Variants in TBC1D2B observed in about 807,000 individuals in gnomAD.
TBC1D2B encodes TBC1 domain family member 2B, also known as TBC1 domain family, member 2B.
Under a neutral mutation model 100.8 loss-of-function variants are expected in TBC1D2B, and 64 were observed. The observed-to-expected ratio is 0.64, with a 90% CI of 0.52 to 0.78. TBC1D2B has a LOEUF of 0.78. Ranked by LOEUF, TBC1D2B falls within the 30% of genes least tolerant of loss-of-function variation. TBC1D2B has a pLI of 0.00. For missense variants in TBC1D2B, 1,052 were observed against 1,218.4 expected (o/e 0.86, Z 2.03); for synonymous variants, 480 against 479.7 (o/e 1.00, Z -0.01).
intron 7 of TBC1D2B, chr15:78,016,988 A>C (rs1326059691): frequency 2.4e-6 from 1 of 421,502 alleles, no homozygotes; most frequent in African/African-American, 2.1e-5. Flanking sequence ...CAACAAATGC[A>C]TCACCTCTGG....
rs983112693 is a variant in TBC1D2B, at chr15:78,063,618, A to G, written c.361-9431T>C. The stretch of plus-strand genomic sequence containing the variant: ...CATAGTGTCACTGGGAGAGGGCATG[A>G]CCATCAGTCTATGATGGCCAACATG... On this transcript the variant is annotated intron_variant, in intron 1 of 12. Transcript: ENST00000300584. 3.9e-5 allele frequency among the ~76,000 whole-genome samples: 6 copies of G among 152,272 alleles called. No individual in the cohort carries two copies. In the East Asian group the frequency reaches 1.2e-3, roughly 29 times the overall value.
chr15:78,000,743 A>G (rs945575985), intron 12 of TBC1D2B, among the ~76,000 whole-genome samples: 7 of 152,248 alleles, frequency 4.6e-5, no homozygotes, highest in Admixed American at 2.6e-4. Flanking sequence ...ACAGACGAGG[A>G]TGGCCCAGAA....
intron 2 of TBC1D2B, chr15:78,053,743 G>A: frequency 3.4e-6 from 1 of 290,892 alleles, no homozygotes; most frequent in East Asian, 7.2e-5. Context: ...TAGTAGAAAG[G>A]CTGGCCCTGC....
At chr15:78,047,198 C>T (rs1012995422) in intron 2 of TBC1D2B, among the ~76,000 whole-genome samples, 4 of 148,200 alleles carry the variant, frequency 2.7e-5, no homozygotes, top group African/African-American at 1.0e-4. Flanking sequence ...GGGTCTCACT[C>T]TGTCACTAAG....
chr15:78,006,847 G>C (rs1164405811), intron 10 of TBC1D2B, among the ~76,000 whole-genome samples: 3 of 152,226 alleles, frequency 2.0e-5, no homozygotes, highest in Non-Finnish European at 4.4e-5. Flanking sequence ...AACATTTACT[G>C]TGTGGGGTGC....
At position 78,013,190 on chromosome 15, in the gene TBC1D2B, C is replaced by T. The variant is rs760847886; in HGVS notation, c.1903G>A (p.Val635Ile). 1.2e-6 allele frequency: 2 copies of T among 1,613,994 alleles called. No homozygotes were observed. Among genetic ancestry groups the T allele is most frequent in the Non-Finnish European group, 1.7e-6 (2 of 1,179,904 alleles). The change falls in exon 9 of 13, where the codon GTC becomes ATC. Residue 635 changes from valine to isoleucine, a missense_variant. This residue lies in a region of TBC1D2B where 373 missense variants were observed against 464.9 expected (regional missense o/e 0.80). Coordinates refer to ENST00000300584, the MANE Select transcript of TBC1D2B (RefSeq NM_144572.2). ...LTENQEVSTG[V>I]KWENYFASTV... ...CTTGCAAAATAGTTTTCCCACTTGA[C>T]CCCAGTGGAGACTTCCTGGTTTTCT...
At chr15:78,033,203 T>C (rs536326360) in intron 3 of TBC1D2B, among the ~76,000 whole-genome samples, 1 of 152,346 alleles carries the variant, frequency 6.6e-6, no homozygotes, top group South Asian at 2.1e-4. Flanking sequence ...TCTTAATTCA[T>C]TTGAGCAGTC....
rs867280026 is a variant in TBC1D2B, at chr15:78,069,361, C to A, written c.360+7932G>T. On this transcript the variant is annotated intron_variant, in intron 1 of 12. Coordinates refer to ENST00000300584, the MANE Select transcript of TBC1D2B (RefSeq NM_144572.2). ...CCAAAGCGAGCTTCACCCATCACAA[C>A]ACCCACCACTCAGAAACAAAATTAA... Among the ~76,000 whole-genome samples, 8 of 152,242 alleles carry A rather than the reference C, an allele frequency of 5.3e-5. No homozygotes were observed. The South Asian group carries it at 6.2e-4, about 12-fold the overall frequency.
At chr15:78,049,305 A>G (rs2073263405) in intron 2 of TBC1D2B, among the ~76,000 whole-genome samples, 1 of 152,228 alleles carries the variant, frequency 6.6e-6, no homozygotes, top group South Asian at 2.1e-4. Flanking sequence ...ATTTGCTAAC[A>G]GCTGCATATC....
intron 12 of TBC1D2B, among the ~76,000 whole-genome samples, chr15:78,001,114 G>A (rs1335726046): frequency 4.6e-5 from 7 of 152,124 alleles, no homozygotes; most frequent in South Asian, 2.1e-4. Flanking sequence ...CCAAACACAC[G>A]TGCCCCACAG....
In TBC1D2B at chr15:78,046,012, A is replaced by G. The variant is rs529706610; in HGVS notation, c.515-944T>C. Among the ~76,000 whole-genome samples, 8 of 151,904 alleles carry G rather than the reference A, an allele frequency of 5.3e-5. No homozygotes were observed. The East Asian group carries it at 1.5e-3, about 29-fold the overall frequency. On this transcript the variant is annotated intron_variant, in intron 2 of 12. Transcript: ENST00000300584. ...AATGGCGCGGTCTCGGCTCACTGCA[A>G]CCTCCTCCTCCTGGGTTCAAGCGAT... is the stretch of plus-strand genomic sequence containing the variant.
At chr15:78,031,884 G>T (rs2072824764) in intron 3 of TBC1D2B, among the ~76,000 whole-genome samples, 1 of 152,180 alleles carries the variant, frequency 6.6e-6, no homozygotes, top group South Asian at 2.1e-4. Flanking sequence ...GAGAGGGAAA[G>T]CCAATGAGGT....
intron 6 of TBC1D2B, among the ~76,000 whole-genome samples, chr15:78,018,996 T>G (rs2072445737): frequency 6.6e-6 from 1 of 151,910 alleles, no homozygotes; most frequent in Non-Finnish European, 1.5e-5. Context: ...GTTCCTAATC[T>G]CCCAGTCACA....
intron 8 of TBC1D2B, among the ~76,000 whole-genome samples, chr15:78,014,027 G>A (rs967530168): frequency 1.3e-5 from 2 of 152,150 alleles, no homozygotes; most frequent in African/African-American, 4.8e-5. Context: ...TGGGAAAAGG[G>A]GCCACAGGCC....
At position 78,013,053 on chromosome 15, in the gene TBC1D2B, G is replaced by C; in HGVS notation, c.2040C>G (p.Thr680=). The C allele has an allele frequency of 6.2e-7, 1 of 1,613,986 alleles. No individual in the cohort carries two copies. ...GCTCAGTGTTGTCCTTGAACTTCCT[G>C]GTGTGACGGTCCACACACCACTTCC... is the stretch of plus-strand genomic sequence containing the variant. ...KVWKWCVDRH[T]RKFKDNTEPG... is the part of the protein sequence containing the mutation. Residue 680 remains threonine, a synonymous_variant, in exon 9 of 13, where the codon ACC becomes ACG. Transcript: ENST00000300584.
rs181014126 is a variant in TBC1D2B at position 78,054,351 on chromosome 15, G to A, written c.361-164C>T. On this transcript the variant is annotated intron_variant, in intron 1 of 12. Transcript: ENST00000300584. Reference sequence around the variant, plus strand: ...GATTAGTAGCTTTTGCTCATGATGAGTTGGTCAAGCAAATAGCAATTGTAA... The same window carrying A: ...GATTAGTAGCTTTTGCTCATGATGAATTGGTCAAGCAAATAGCAATTGTAA... Among the ~76,000 whole-genome samples, 88 of 152,368 alleles carry A rather than the reference G, an allele frequency of 5.8e-4. No individual in the cohort carries two copies. The East Asian group carries it at 0.013, about 23-fold the overall frequency.
intron 3 of TBC1D2B, among the ~76,000 whole-genome samples, chr15:78,035,332 A>C (rs1190275782): frequency 6.6e-6 from 1 of 152,260 alleles, no homozygotes; most frequent in African/African-American, 2.4e-5. Flanking sequence ...TTGGATTCTG[A>C]TAACAAGCTA....
Position 78,023,384 on chromosome 15 carries a change from G to A in TBC1D2B, c.1470+772C>T, listed in dbSNP as rs933614688. On this transcript the variant is annotated intron_variant, in intron 6 of 12. Coordinates refer to ENST00000300584, the MANE Select transcript of TBC1D2B (RefSeq NM_144572.2). ...CCTCTCCCACAAAGTCTCAAGAACC[G>A]GTGGCAGCAAGAATGTTATGATCCT... is the stretch of plus-strand genomic sequence containing the variant. Among the ~76,000 whole-genome samples, 6 of 152,256 alleles carry A rather than the reference G, an allele frequency of 3.9e-5. No individual in the cohort carries two copies. The East Asian group carries it at 9.6e-4, about 24-fold the overall frequency.
intron 3 of TBC1D2B, chr15:78,034,374 T>C (rs1051002993): frequency 1.8e-5 from 9 of 512,428 alleles, no homozygotes; most frequent in African/African-American, 1.7e-4. Flanking sequence ...GCACCATGAC[T>C]TTTCAGTGGC....
Sources: allele counts gnomAD v4.1 joint callset (sites outside exome capture counted in the v4.1 genomes callset), GRCh38; gene constraint gnomAD v4.1.1; regional missense constraint gnomAD v4.1.1; transcripts MANE v1.5; gene names NCBI Gene and HGNC (gene_info 2026-07-23, HGNC 2026-07-21).